The following YEATS4 variants were observed in gnomAD, a reference collection of about 807,000 sequenced individuals.
The protein encoded by YEATS4 is YEATS domain-containing protein 4.
A neutral mutation model predicts 30.1 loss-of-function variants in YEATS4; 17 were observed. That is an observed-to-expected ratio of 0.56 (90% CI 0.39 to 0.85). YEATS4 has a LOEUF of 0.85. Among genes scored for constraint, YEATS4 ranks in the 40% least tolerant of loss-of-function variants. YEATS4 has a pLI of 0.00. For synonymous variants in YEATS4, 85 were observed against 87.5 expected, an observed-to-expected ratio of 0.97 and a Z score of 0.16; for missense variants, 142 against 268.3, an observed-to-expected ratio of 0.53 and a Z score of 3.29.
At chr12:69,391,841 CATT>C (rs1868318538), downstream of YEATS4, among the ~76,000 whole-genome samples, 1 of 152,148 alleles carries the variant, frequency 6.6e-6, no homozygotes, top group Admixed American at 6.5e-5. Flanking sequence ...CACAGGCAAT[CATT>C]ATTCTAGTCA....
chr12:69,368,152 T>G (rs1875507628), intron 4 of YEATS4, among the ~76,000 whole-genome samples: 1 of 152,214 alleles, frequency 6.6e-6, no homozygotes, highest in Non-Finnish European at 1.5e-5. Flanking sequence ...TTGTACTTTT[T>G]CAATAGTTAG....
the YEATS4 span, among the ~76,000 whole-genome samples, chr12:69,396,401 AC>A: frequency 6.6e-6 from 1 of 152,202 alleles, no homozygotes; most frequent in Admixed American, 6.5e-5. Context: ...TCCTGACTGA[AC>A]AGTCATGGTA....
At position 69,360,038 on chromosome 12, in the gene YEATS4, C is replaced by A. The variant is rs1481197111; in HGVS notation, c.51+15C>A. ...GGAGAGTAAAGGTCAGTGCCCGGAC[C>A]GCCCCTCTTCCGGGGTGGCTCTCCC... On this transcript the variant is annotated intron_variant, in intron 1 of 6. Coordinates refer to ENST00000247843, the MANE Select transcript of YEATS4 (RefSeq NM_006530.4). 1.2e-6 allele frequency: 2 copies of A among 1,611,406 alleles called. No homozygotes were observed. Among genetic ancestry groups the A allele is most frequent in the Non-Finnish European group, 1.7e-6 (2 of 1,178,734 alleles).
chr12:69,425,548 T>G, the YEATS4 span, among the ~76,000 whole-genome samples: 1 of 152,164 alleles, frequency 6.6e-6, no homozygotes. Flanking sequence ...GTAGCAGAAC[T>G]GCTTCTCAAG....
the YEATS4 span, among the ~76,000 whole-genome samples, chr12:69,398,026 C>T: frequency 1.3e-5 from 2 of 152,128 alleles, no homozygotes; most frequent in East Asian, 1.9e-4. Flanking sequence ...ATCCAATACC[C>T]GTTTATAATT....
At chr12:69,419,815 G>A in the YEATS4 span, among the ~76,000 whole-genome samples, 1 of 152,180 alleles carries the variant, frequency 6.6e-6, no homozygotes, top group Non-Finnish European at 1.5e-5. Flanking sequence ...TTGCTAGTAA[G>A]ACATTTGAGA....
chr12:69,366,482 CAA>C (rs1205542283), intron 4 of YEATS4, among the ~76,000 whole-genome samples: 2 of 152,172 alleles, frequency 1.3e-5, no homozygotes, highest in African/African-American at 2.4e-5. Flanking sequence ...GCTCAGAGGT[CAA>C]GTCACTGCTC....
intron 6 of YEATS4, among the ~76,000 whole-genome samples, chr12:69,388,324 A>G (rs1223993193): frequency 6.6e-6 from 1 of 152,232 alleles, no homozygotes; most frequent in African/African-American, 2.4e-5. Context: ...TAATCTTCGT[A>G]AATCCTCTGA....
chr12:69,371,633 C>T (rs937389289), intron 6 of YEATS4, among the ~76,000 whole-genome samples: 3 of 152,106 alleles, frequency 2.0e-5, no homozygotes, highest in African/African-American at 7.2e-5. Flanking sequence ...TAGTGAGTAC[C>T]AGTTAATGCC....
At chr12:69,405,181 TCCCAC>T in the YEATS4 span, among the ~76,000 whole-genome samples, 1 of 152,182 alleles carries the variant, frequency 6.6e-6, no homozygotes, top group Non-Finnish European at 1.5e-5. Context: ...ATGCAGTAGT[TCCCAC>T]CCTTATCTGT....
At chr12:69,390,922 CT>C (rs1169450860), downstream of YEATS4, 1 of 152,222 alleles carries the variant, frequency 6.6e-6, no homozygotes, top group Non-Finnish European at 1.5e-5. Context: ...CATGTAGAAG[CT>C]CTTTGATGGT....
intron 6 of YEATS4, among the ~76,000 whole-genome samples, chr12:69,374,754 A>G (rs983638249): frequency 2.0e-5 from 3 of 151,982 alleles, no homozygotes; most frequent in Non-Finnish European, 4.4e-5. Flanking sequence ...GTACACAACA[A>G]AATGGAGTCT....
the YEATS4 span, among the ~76,000 whole-genome samples, chr12:69,419,371 C>A: frequency 6.6e-6 from 1 of 151,890 alleles, no homozygotes; most frequent in African/African-American, 2.4e-5. Flanking sequence ...CAGTTGTGCC[C>A]CACCACAGCT....
intron 6 of YEATS4, among the ~76,000 whole-genome samples, chr12:69,379,583 AT>A (rs61048163): frequency 2.2e-4 from 16 of 72,294 alleles, no homozygotes; most frequent in East Asian, 1.5e-3. Context: ...TGCCCAGCTA[AT>A]TTTTTTTTTT....
chr12:69,369,855 C>T (rs1875574181), intron 4 of YEATS4, among the ~76,000 whole-genome samples: 1 of 152,150 alleles, frequency 6.6e-6, no homozygotes, highest in African/African-American at 2.4e-5. Flanking sequence ...ACTTGCTGAG[C>T]CATGTCCAGG....
chr12:69,421,952 C>A, the YEATS4 span, among the ~76,000 whole-genome samples: 1 of 152,306 alleles, frequency 6.6e-6, no homozygotes, highest in East Asian at 1.9e-4. Flanking sequence ...CCAGTTCTAG[C>A]AACCCCTGCT....
At chr12:69,384,322 G>A (rs554294236) in intron 6 of YEATS4, among the ~76,000 whole-genome samples, 20 of 152,082 alleles carry the variant, frequency 1.3e-4, no homozygotes, top group Admixed American at 8.5e-4. Flanking sequence ...ATTTATTTAT[G>A]TATAACAAGT....
chr12:69,417,629 T>G, the YEATS4 span, among the ~76,000 whole-genome samples: 1 of 152,150 alleles, frequency 6.6e-6, no homozygotes, highest in African/African-American at 2.4e-5. Flanking sequence ...CACTAGTAAT[T>G]CTGTGTTGTT....
chr12:69,370,588 A>G (rs315137), intron 4 of YEATS4, 118 bp from the exon 5 acceptor site: 34,958 of 793,986 alleles, frequency 0.044, 1,014 homozygotes, highest in African/African-American at 0.12. Flanking sequence ...AGTTGAAACA[A>G]GATCATGAAT....
Sources: allele counts gnomAD v4.1 joint callset (sites outside exome capture counted in the v4.1 genomes callset), GRCh38; gene constraint gnomAD v4.1.1; transcripts MANE v1.5; gene names NCBI Gene and HGNC (gene_info 2026-07-23, HGNC 2026-07-21).